Variants in MGAT4C observed in about 807,000 individuals in gnomAD.
MGAT4C encodes the protein alpha-1,3-mannosyl-glycoprotein 4-beta-N-acetylglucosaminyltransferase C.
In MGAT4C, 19 loss-of-function variants were observed where a neutral mutation model predicts 40.1. That is an observed-to-expected ratio of 0.47 (90% CI 0.33 to 0.70). The LOEUF (loss-of-function observed/expected upper bound fraction) is 0.70, where lower values mean the gene tolerates loss of function less well. Ranked by LOEUF, MGAT4C falls within the 30% of genes least tolerant of loss-of-function variation. The pLI, the probability that MGAT4C is intolerant of heterozygous loss-of-function variation, is 0.02. For synonymous variants in MGAT4C, 181 were observed against 187.1 expected, an observed-to-expected ratio of 0.97 and a Z score of 0.27; for missense variants, 491 against 563.2, an observed-to-expected ratio of 0.87 and a Z score of 1.30.
chr12:86,203,975 A>AATATATATATATATAT (rs56952745), intron 1 of MGAT4C, among the ~76,000 whole-genome samples: 10 of 137,060 alleles, frequency 7.3e-5, no homozygotes, highest in Non-Finnish European at 1.5e-4. Flanking sequence ...AAAAAAAAGA[A>AATATATATATATATAT]ATATATATAT....
chr12:85,985,609 G>A (rs1296571645), intron 3 of MGAT4C, among the ~76,000 whole-genome samples: 1 of 152,034 alleles, frequency 6.6e-6, no homozygotes, highest in East Asian at 1.9e-4. Flanking sequence ...AATGCCATGT[G>A]TAAAAGCCAC....
intron 3 of MGAT4C, among the ~76,000 whole-genome samples, chr12:86,381,145 T>C (rs1955920490): frequency 6.6e-6 from 1 of 152,128 alleles, no homozygotes; most frequent in Non-Finnish European, 1.5e-5. Flanking sequence ...ATAGTTGGAA[T>C]CATGTGTACC....
intron 2 of MGAT4C, among the ~76,000 whole-genome samples, chr12:86,531,394 A>C (rs1370057639): frequency 6.6e-6 from 1 of 152,014 alleles, no homozygotes; most frequent in Non-Finnish European, 1.5e-5. Context: ...TATCACATCA[A>C]TGCACAGCAG....
intron 1 of MGAT4C, among the ~76,000 whole-genome samples, chr12:86,790,011 C>G (rs951690895): frequency 5.3e-5 from 8 of 152,036 alleles, no homozygotes; most frequent in African/African-American, 1.9e-4. Context: ...GTCATTCATT[C>G]TTTGAGCTGT....
chr12:86,584,231 T>C (rs965195146), intron 2 of MGAT4C, among the ~76,000 whole-genome samples: 1 of 150,656 alleles, frequency 6.6e-6, no homozygotes, highest in Non-Finnish European at 1.5e-5. Context: ...ATTAGAAAAA[T>C]AGATTTTTAA....
chr12:86,196,797 C>T (rs1190194055), intron 1 of MGAT4C, among the ~76,000 whole-genome samples: 1 of 152,136 alleles, frequency 6.6e-6, no homozygotes, highest in African/African-American at 2.4e-5. Flanking sequence ...CAGCCACACA[C>T]TTTGTCTCTC....
At chr12:86,147,535 C>A (rs1472169051) in intron 1 of MGAT4C, among the ~76,000 whole-genome samples, 1 of 152,244 alleles carries the variant, frequency 6.6e-6, no homozygotes, top group African/African-American at 2.4e-5. Flanking sequence ...GCCACCGTGC[C>A]TGGCCTATTA....
At chr12:86,431,145 T>C (rs1020913367) in intron 3 of MGAT4C, among the ~76,000 whole-genome samples, 1 of 152,176 alleles carries the variant, frequency 6.6e-6, no homozygotes, top group African/African-American at 2.4e-5. Context: ...GGTGAAATTT[T>C]CACCATGCTT....
rs1029199063 is a variant in MGAT4C at position 85,973,993 on chromosome 12, G to A, written c.*5296C>T. ...GTAAATGTGATGAACAGATTAATGA[G>A]GTGGAAGGGACTAGAACTTTGGGAA... On this transcript the variant is annotated 3_prime_UTR_variant, in exon 5 of 5. Transcript: ENST00000611864. 6.6e-6 allele frequency: 1 copy of A among 150,822 alleles called. No homozygotes were observed. The highest frequency in any genetic ancestry group is 2.1e-4 in the South Asian group (1 of 4,834). 9.3% of individuals were successfully genotyped at this position (150,822 alleles called of 1,614,324 possible). A position where few individuals can be genotyped will look rare whatever the true frequency, so the allele number is the denominator to read the frequency against.
chr12:86,700,174 CAGACAGATAGATAGATAGATAGAT>C (rs1369728849), intron 2 of MGAT4C, among the ~76,000 whole-genome samples: 1,462 of 140,854 alleles, frequency 0.01, 8 homozygotes, highest in East Asian at 0.039. Flanking sequence ...GACAGACAGA[CAGACAGATAGATAGATAGATAGAT>C]AGATAGATAG....
intron 3 of MGAT4C, among the ~76,000 whole-genome samples, chr12:86,419,149 T>G (rs1181088590): frequency 6.6e-6 from 1 of 152,088 alleles, no homozygotes; most frequent in East Asian, 1.9e-4. Context: ...CTTTTAAAAT[T>G]TCATGATCTG....
chr12:86,128,562 G>C (rs888440588), intron 1 of MGAT4C, among the ~76,000 whole-genome samples: 1 of 152,082 alleles, frequency 6.6e-6, no homozygotes, highest in African/African-American at 2.4e-5. Context: ...TCCCAGTCAC[G>C]GGTATGTCTT....
At chr12:86,034,724 A>G (rs1026462328) in intron 2 of MGAT4C, among the ~76,000 whole-genome samples, 2 of 148,930 alleles carry the variant, frequency 1.3e-5, no homozygotes, top group Admixed American at 6.8e-5. Context: ...TGCTATCCCT[A>G]CCCTAGCCCC....
At chr12:86,206,127 C>T (rs1235725159) in intron 1 of MGAT4C, among the ~76,000 whole-genome samples, 1 of 152,100 alleles carries the variant, frequency 6.6e-6, no homozygotes, top group Non-Finnish European at 1.5e-5. Context: ...CCCAATGTGG[C>T]AGTATTGAGA....
At chr12:86,344,802 A>T (rs1954991673) in intron 3 of MGAT4C, among the ~76,000 whole-genome samples, 1 of 148,182 alleles carries the variant, frequency 6.7e-6, no homozygotes, top group Non-Finnish European at 1.5e-5. Flanking sequence ...CATTGAGAGG[A>T]AGCACAAGAT....
chr12:86,730,429 TTTGA>T (rs1276908729), intron 1 of MGAT4C, among the ~76,000 whole-genome samples: 2 of 152,032 alleles, frequency 1.3e-5, no homozygotes, highest in Non-Finnish European at 2.9e-5. Context: ...CTACAGAGTA[TTTGA>T]TTAACAGGAA....
intron 2 of MGAT4C, among the ~76,000 whole-genome samples, chr12:86,472,075 C>T (rs1957765270): frequency 1.3e-5 from 2 of 151,922 alleles, no homozygotes; most frequent in South Asian, 4.1e-4. Context: ...CATACTTTAC[C>T]TCTTCGTAAA....
chr12:86,490,130 C>T (rs1958104664), intron 2 of MGAT4C, among the ~76,000 whole-genome samples: 1 of 151,990 alleles, frequency 6.6e-6, no homozygotes, highest in Non-Finnish European at 1.5e-5. Flanking sequence ...GTCAGATTCA[C>T]CAAAGTTGAA....
At chr12:86,448,454 C>G (rs11103960) in intron 2 of MGAT4C, among the ~76,000 whole-genome samples, 12,883 of 152,180 alleles carry the variant, frequency 0.085, 663 homozygotes, top group Non-Finnish European at 0.11. Flanking sequence ...CTTCTCCTTA[C>G]CCTATCTTAA....
Sources: gnomAD v4.1 joint callset for allele counts (sites outside exome capture counted in the v4.1 genomes callset) on GRCh38, gnomAD v4.1.1 for gene constraint, MANE v1.5 for transcripts, NCBI Gene and HGNC (gene_info 2026-07-23, HGNC 2026-07-21) for gene names.